Variants in TBC1D2B observed in about 807,000 individuals in gnomAD.
TBC1D2B encodes the protein TBC1 domain family, member 2B.
Under a neutral mutation model 100.8 loss-of-function variants are expected in TBC1D2B, and 64 were observed. That is an observed-to-expected ratio of 0.64 (90% CI 0.52 to 0.78). The LOEUF (loss-of-function observed/expected upper bound fraction) is 0.78, where lower values mean the gene tolerates loss of function less well. Ranked by LOEUF, TBC1D2B falls within the 30% of genes least tolerant of loss-of-function variation. The pLI, the probability that TBC1D2B is intolerant of heterozygous loss-of-function variation, is 0.00. For synonymous variants in TBC1D2B, 480 were observed against 479.7 expected (o/e 1.00, Z -0.01); for missense variants, 1,052 against 1,218.4 (o/e 0.86, Z 2.03).
At chr15:78,034,219 A>G (rs2072888879) in intron 3 of TBC1D2B, among the ~76,000 whole-genome samples, 1 of 152,254 alleles carries the variant, frequency 6.6e-6, no homozygotes, top group Non-Finnish European at 1.5e-5. Context: ...CTGATTTTAT[A>G]AAAATTATAA....
intron 3 of TBC1D2B, among the ~76,000 whole-genome samples, chr15:78,037,058 C>T (rs2072961400): frequency 6.6e-6 from 1 of 152,172 alleles, no homozygotes; most frequent in Non-Finnish European, 1.5e-5. Flanking sequence ...AATAAACATG[C>T]ACAGCCTCAA....
At chr15:78,004,744 A>G (rs1295323670) in intron 10 of TBC1D2B, among the ~76,000 whole-genome samples, 1 of 152,224 alleles carries the variant, frequency 6.6e-6, no homozygotes, top group Non-Finnish European at 1.5e-5. Context: ...CAATTTCTCT[A>G]TCCATAGTGT....
At chr15:78,051,880 T>G (rs972235636) in intron 2 of TBC1D2B, among the ~76,000 whole-genome samples, 4 of 152,216 alleles carry the variant, frequency 2.6e-5, no homozygotes, top group South Asian at 2.1e-4. Flanking sequence ...CTGCTTTAGA[T>G]TTTTTGACTT....
At position 78,001,716 on chromosome 15, in the gene TBC1D2B, G is replaced by A. The variant is rs771470122; in HGVS notation, c.2599C>T (p.Leu867Phe). ...PKVIFRFALA[L>F]FKYKEEEILK... is the part of the protein sequence containing the mutation. ...ATCTCCTCTTCCTTGTACTTAAAAA[G>A]TGCCAGAGCAAAACGGAAAATAACC... Residue 867 changes from leucine to phenylalanine, a missense_variant, in exon 12 of 13, where the codon CTT becomes TTT. By Grantham distance (22) the Leu-to-Phe change is conservative (BLOSUM62 0). Around this residue, in one of 4 missense-constraint regions of TBC1D2B, gnomAD observed 373 missense variants for 464.9 expected, o/e 0.80. Transcript: ENST00000300584. 1.2e-6 allele frequency: 2 copies of A among 1,608,432 alleles called. No homozygotes were observed. Among genetic ancestry groups the A allele is most frequent in the African/African-American group, 1.3e-5 (1 of 74,966 alleles).
rs1339298006 is a variant in TBC1D2B at position 77,995,633 on chromosome 15, C to CA, written c.*2526dup. On this transcript the variant is annotated 3_prime_UTR_variant, in exon 13 of 13. Coordinates refer to ENST00000300584, the MANE Select transcript of TBC1D2B (RefSeq NM_144572.2). The stretch of plus-strand genomic sequence containing the variant: ...AAATATAAACTGTAGTGAGAGTGTA[C>CA]AAAAGTATTAACAGAGGTTCAACCC... 1 of 152,474 alleles carries CA rather than the reference C, an allele frequency of 6.6e-6. No individual in the cohort carries two copies. Among genetic ancestry groups the CA allele is most frequent in the Non-Finnish European group, 1.5e-5 (1 of 68,046 alleles). 9.4% of individuals were successfully genotyped at this position (152,474 alleles called of 1,614,324 possible).
chr15:78,024,454 G>A lies in TBC1D2B; in HGVS notation c.1172C>T (p.Pro391Leu). Reference protein sequence around the residue: ...FTSSRLCEGVPKDTLELLHQK... With the variant: ...FTSSRLCEGVLKDTLELLHQK... ...GTGCAGAAGCTCGAGCGTGTCCTTTGGGACCCCCTCACAGAGCCGGCTGCT... is the reference window on the plus strand; with the variant it reads ...GTGCAGAAGCTCGAGCGTGTCCTTTAGGACCCCCTCACAGAGCCGGCTGCT... Residue 391 changes from proline to leucine, a missense_variant, in exon 6 of 13, where the codon CCA becomes CTA. Around this residue, in one of 4 missense-constraint regions of TBC1D2B, gnomAD observed 627 missense variants for 646.1 expected, o/e 0.97. Coordinates refer to ENST00000300584, the MANE Select transcript of TBC1D2B (RefSeq NM_144572.2). The A allele has an allele frequency of 6.2e-7, 1 of 1,614,010 alleles. No homozygotes were observed. The highest frequency in any genetic ancestry group is 8.5e-7 in the Non-Finnish European group (1 of 1,179,900).
intron 6 of TBC1D2B, among the ~76,000 whole-genome samples, chr15:78,021,821 G>C (rs2072522896): frequency 6.6e-6 from 1 of 151,858 alleles, no homozygotes; most frequent in Non-Finnish European, 1.5e-5. Context: ...GCTGCAAAAA[G>C]AAAAGAGGAG....
At position 78,000,407 on chromosome 15, in the gene TBC1D2B, G is replaced by C. The variant is rs994710051; in HGVS notation, c.2696+1212C>G. 2.0e-5 allele frequency among the ~76,000 whole-genome samples: 3 copies of C among 152,226 alleles called. No homozygotes were observed. In the East Asian group the frequency reaches 5.8e-4, roughly 29 times the overall value. ...CCAACACAGCCCTAGCTGTTGGCATGGGCGAGCTCACTCCCTGTCACTCTC... is the reference window on the plus strand; with the variant it reads ...CCAACACAGCCCTAGCTGTTGGCATCGGCGAGCTCACTCCCTGTCACTCTC... On this transcript the variant is annotated intron_variant, in intron 12 of 12. Coordinates refer to ENST00000300584, the MANE Select transcript of TBC1D2B (RefSeq NM_144572.2).
chr15:78,049,523 T>C (rs1402734503), intron 2 of TBC1D2B, among the ~76,000 whole-genome samples: 5 of 152,086 alleles, frequency 3.3e-5, no homozygotes, highest in African/African-American at 9.7e-5. Context: ...ACAGATGCCC[T>C]GAATTGGGGT....
At chr15:78,075,240 C>A (rs1312057667) in intron 1 of TBC1D2B, among the ~76,000 whole-genome samples, 1 of 151,920 alleles carries the variant, frequency 6.6e-6, no homozygotes, top group African/African-American at 2.4e-5. Context: ...CACTCTGTCA[C>A]CCAGGCTGAG....
chr15:78,023,784 A>G (rs911799813), intron 6 of TBC1D2B, among the ~76,000 whole-genome samples: 1 of 152,234 alleles, frequency 6.6e-6, no homozygotes, highest in Non-Finnish European at 1.5e-5. Context: ...TAGGTCCTGC[A>G]GCAAGCTGTG....
chr15:78,033,477 C>T (rs1270909378), intron 3 of TBC1D2B, among the ~76,000 whole-genome samples: 1 of 152,160 alleles, frequency 6.6e-6, no homozygotes, highest in Non-Finnish European at 1.5e-5. Context: ...GAAAGCGGAT[C>T]AGAGGTTGCC....
chr15:78,068,266 G>A (rs778415300), intron 1 of TBC1D2B, among the ~76,000 whole-genome samples: 1 of 152,050 alleles, frequency 6.6e-6, no homozygotes, highest in Non-Finnish European at 1.5e-5. Context: ...TTTCACTGCT[G>A]TATTTGCAGC....
chr15:78,008,816 G>C (rs2072144191), intron 10 of TBC1D2B, among the ~76,000 whole-genome samples, 181 bp downstream of exon 10: 1 of 152,218 alleles, frequency 6.6e-6, no homozygotes, highest in Admixed American at 6.5e-5. Flanking sequence ...CTCGGCCTCA[G>C]TCACAAACAG....
At chr15:78,013,676 T>C (rs1464743807) in intron 8 of TBC1D2B, among the ~76,000 whole-genome samples, 3 of 152,214 alleles carry the variant, frequency 2.0e-5, no homozygotes, top group African/African-American at 4.8e-5. Flanking sequence ...CTTTATCATA[T>C]ATATACACTA....
intron 1 of TBC1D2B, among the ~76,000 whole-genome samples, chr15:78,074,211 T>C (rs1452685899): frequency 6.6e-6 from 1 of 151,596 alleles, no homozygotes; most frequent in Admixed American, 6.6e-5. Context: ...TTAGTAGAGA[T>C]GGGGTTTCAC....
chr15:78,048,447 G>A (rs1178034185), intron 2 of TBC1D2B, among the ~76,000 whole-genome samples: 4 of 152,190 alleles, frequency 2.6e-5, no homozygotes, highest in Admixed American at 6.5e-5. Flanking sequence ...ACATTTCCTC[G>A]AAGATTTTAA....
intron 2 of TBC1D2B, 130 bp downstream of exon 2, chr15:78,053,904 C>T (rs2073366506): frequency 2.9e-6 from 3 of 1,052,024 alleles, no homozygotes; most frequent in Admixed American, 2.5e-5. Context: ...CTGTGGAATG[C>T]TGTCCACTCA....
At chr15:78,029,923 C>G in intron 4 of TBC1D2B, 84 bp downstream of exon 4, 1 of 1,167,694 alleles carries the variant, frequency 8.6e-7, no homozygotes. Flanking sequence ...TCTCGAAATA[C>G]CTGCTAATAA....
Sources: allele counts gnomAD v4.1 joint callset (sites outside exome capture counted in the v4.1 genomes callset), GRCh38; gene constraint gnomAD v4.1.1; regional missense constraint gnomAD v4.1.1; transcripts MANE v1.5; gene names NCBI Gene and HGNC (gene_info 2026-07-23, HGNC 2026-07-21).